Variants in SLIT2 observed in about 807,000 individuals in gnomAD.
SLIT2 encodes the protein slit homolog 2 protein.
A neutral mutation model predicts 185.7 loss-of-function variants in SLIT2; 41 were observed. The observed-to-expected ratio is 0.22, with a 90% CI of 0.17 to 0.29. The LOEUF is 0.29. Among genes scored for constraint, SLIT2 ranks in the 10% least tolerant of loss-of-function variants. SLIT2 has a pLI of 1.00. For missense variants in SLIT2, 1,571 were observed against 1,909.0 expected, an observed-to-expected ratio of 0.82 and a Z score of 3.30; for synonymous variants, 693 against 680.2, an observed-to-expected ratio of 1.02 and a Z score of -0.29.
Position 20,298,312 on chromosome 4 carries a change from C to T in SLIT2, c.395+29431C>T, listed in dbSNP as rs1172547225. On this transcript the variant is annotated intron_variant, in intron 4 of 36. Coordinates refer to ENST00000504154, the MANE Select transcript of SLIT2 (RefSeq NM_004787.4). ...CCTTGTTGGTCAGGCTGGTCTTGAA[C>T]TCCCGACCTCAGGTGATCTGCCTGC... Among the ~76,000 whole-genome samples the T allele has an allele frequency of 2.0e-5, 3 of 152,190 alleles. No homozygotes were observed. In the East Asian group the frequency reaches 5.8e-4, roughly 29 times the overall value.
At chr4:20,399,409 A>G (rs1031515116) in intron 4 of SLIT2, among the ~76,000 whole-genome samples, 4 of 151,780 alleles carry the variant, frequency 2.6e-5, no homozygotes, top group Non-Finnish European at 5.9e-5. Flanking sequence ...TGGGCGAACC[A>G]TAAACTCTCT....
chr4:20,399,146 T>G (rs1726160705), intron 4 of SLIT2, among the ~76,000 whole-genome samples: 1 of 151,708 alleles, frequency 6.6e-6, no homozygotes, highest in Non-Finnish European at 1.5e-5. Context: ...ATTTAAAAAA[T>G]TATTTATATC....
At chr4:20,379,942 A>G (rs1003433387) in intron 4 of SLIT2, among the ~76,000 whole-genome samples, 2 of 152,160 alleles carry the variant, frequency 1.3e-5, no homozygotes, top group African/African-American at 4.8e-5. Flanking sequence ...GTAAAATAGC[A>G]TAGAGGAAGA....
rs1560494593 is a variant in SLIT2, at chr4:20,518,257, T to TA, written c.1059-1125_1059-1124insA. 5.9e-3 allele frequency among the ~76,000 whole-genome samples: 402 copies of TA among 68,162 alleles called. 10 individuals are homozygous for TA. Among genetic ancestry groups the TA allele is most frequent in the Middle Eastern group, 0.023 (3 of 130 alleles). 44.7% of individuals were successfully genotyped at this position (68,162 alleles called of 152,430 possible). A position where few individuals can be genotyped will look rare whatever the true frequency, so the allele number is the denominator to read the frequency against. On this transcript the variant is annotated intron_variant, in intron 11 of 36. Transcript: ENST00000504154. ...TGTGTGTGTATATATATATATATAT[T>TA]TTTTTTTTTTTTTGAGACAGAGTCT...
At chr4:20,533,826 T>A (rs867220745) in intron 18 of SLIT2, 111 bp downstream of exon 18, 3 of 830,242 alleles carry the variant, frequency 3.6e-6, no homozygotes, top group Non-Finnish European at 5.7e-6. Flanking sequence ...ACTCCCTCTA[T>A]CTCTTTCACA....
chr4:20,491,767 A>G lies in SLIT2; in HGVS notation c.782A>G (p.Gln261Arg), dbSNP rs752693303. The change falls in exon 9 of 37, where the codon CAG becomes CGG. Residue 261 changes from glutamine to arginine, a missense_variant. Physicochemically the swap from Gln to Arg is conservative, Grantham distance 43. Transcript: ENST00000504154. ...CTGTTTATTTCTTTTTTAGGTCACC[A>G]GTCATTTATGGCTCCTTCTTGTAGT... ...QKREFVCSGH[Q>R]SFMAPSCSVL... 1.5e-5 allele frequency: 24 copies of G among 1,610,250 alleles called. No individual in the cohort carries two copies. The highest frequency in any genetic ancestry group is 2.0e-5 in the Non-Finnish European group (23 of 1,178,594).
chr4:20,385,897 A>G (rs1478171078), intron 4 of SLIT2, among the ~76,000 whole-genome samples: 1 of 152,080 alleles, frequency 6.6e-6, no homozygotes, highest in Non-Finnish European at 1.5e-5. Context: ...CTGTTTTTCT[A>G]CTTGTGGTTG....
intron 34 of SLIT2, chr4:20,616,152 A>G (rs1342837879): frequency 2.6e-5 from 4 of 152,254 alleles, no homozygotes; most frequent in African/African-American, 9.6e-5. Flanking sequence ...AGCAAGAAAG[A>G]AAAAATGATG....
chr4:20,352,184 TAATGTGTC>T (rs1721938488), intron 4 of SLIT2, among the ~76,000 whole-genome samples: 7 of 152,188 alleles, frequency 4.6e-5, no homozygotes, highest in Admixed American at 4.6e-4. Context: ...TAGCAGTACT[TAATGTGTC>T]ACTTACTGAA....
chr4:20,389,039 C>T (rs1350608181), intron 4 of SLIT2, among the ~76,000 whole-genome samples: 1 of 149,266 alleles, frequency 6.7e-6, no homozygotes, highest in Non-Finnish European at 1.5e-5. Flanking sequence ...GTTAGTTCAC[C>T]ATAGTTTATG....
chr4:20,488,498 G>A (rs1309645831), intron 7 of SLIT2, among the ~76,000 whole-genome samples: 4 of 151,348 alleles, frequency 2.6e-5, no homozygotes, highest in Non-Finnish European at 5.9e-5. Context: ...CACCCCCATT[G>A]GCTCTCAGGA....
chr4:20,352,009 A>G (rs953252772), intron 4 of SLIT2, among the ~76,000 whole-genome samples: 29 of 152,172 alleles, frequency 1.9e-4, no homozygotes, highest in African/African-American at 6.8e-4. Context: ...ACATGCTTGA[A>G]TTTCTCTTAC....
intron 4 of SLIT2, among the ~76,000 whole-genome samples, chr4:20,463,501 GCGTATATCCATATA>G (rs1458830209): frequency 3.6e-5 from 4 of 109,782 alleles, no homozygotes; most frequent in African/African-American, 1.0e-4. Context: ...ATGTGTGTGT[GCGTATATCCATATA>G]TGTGTGTGTG....
chr4:20,533,846 A>G (rs888704444), intron 18 of SLIT2, 131 bp downstream of exon 18: 1 of 636,340 alleles, frequency 1.6e-6, no homozygotes, highest in Admixed American at 2.7e-5. Context: ...ATTCTCTGTT[A>G]CACACACATA....
At chr4:20,350,192 A>T (rs987317842) in intron 4 of SLIT2, among the ~76,000 whole-genome samples, 1 of 152,158 alleles carries the variant, frequency 6.6e-6, no homozygotes, top group South Asian at 2.1e-4. Context: ...AGCTCAATTA[A>T]TAAGCACTGA....
intron 4 of SLIT2, among the ~76,000 whole-genome samples, chr4:20,420,178 A>T (rs1728061351): frequency 6.6e-6 from 1 of 152,108 alleles, no homozygotes; most frequent in South Asian, 2.1e-4. Context: ...TCTCACTTCT[A>T]ATGCGTACAT....
intron 4 of SLIT2, among the ~76,000 whole-genome samples, chr4:20,407,407 A>G (rs1027949693): frequency 2.0e-5 from 3 of 152,232 alleles, no homozygotes; most frequent in Non-Finnish European, 4.4e-5. Flanking sequence ...TTTTCAGTTC[A>G]TGAAGAACAA....
At chr4:20,436,724 A>G (rs1452967028) in intron 4 of SLIT2, among the ~76,000 whole-genome samples, 1 of 152,214 alleles carries the variant, frequency 6.6e-6, no homozygotes, top group Non-Finnish European at 1.5e-5. Flanking sequence ...GACTGCTTTC[A>G]AGGTACAACC....
chr4:20,282,335 T>C (rs946679430), intron 4 of SLIT2, among the ~76,000 whole-genome samples: 1 of 152,212 alleles, frequency 6.6e-6, no homozygotes, highest in Non-Finnish European at 1.5e-5. Context: ...TGGGTAAACA[T>C]GTTTTGATAA....
Sources: gnomAD v4.1 joint callset for allele counts (sites outside exome capture counted in the v4.1 genomes callset) on GRCh38, gnomAD v4.1.1 for gene constraint, MANE v1.5 for transcripts, NCBI Gene and HGNC (gene_info 2026-07-23, HGNC 2026-07-21) for gene names.